Variants in ASPH observed in about 807,000 individuals in gnomAD.
The protein encoded by ASPH is aspartyl/asparaginyl beta-hydroxylase.
Under a neutral mutation model 118.4 loss-of-function variants are expected in ASPH, and 100 were observed. That is an observed-to-expected ratio of 0.84 (90% CI 0.72 to 1.00). The LOEUF (loss-of-function observed/expected upper bound fraction) is 1.00. ASPH is among the 50% of genes least tolerant of loss of function. The pLI is 0.00. For synonymous variants in ASPH, 315 were observed against 325.6 expected, an observed-to-expected ratio of 0.97 and a Z score of 0.35; for missense variants, 920 against 919.5, an observed-to-expected ratio of 1.00 and a Z score of -0.01.
intron 13 of ASPH, chr8:61,624,988 T>C (rs927631439): frequency 3.8e-5 from 37 of 985,516 alleles, no homozygotes; most frequent in Non-Finnish European, 4.5e-5. Context: ...CTATGATCTA[T>C]AGTGATAAAA....
chr8:61,512,947 G>C (rs1201999714), intron 24 of ASPH, among the ~76,000 whole-genome samples: 1 of 152,112 alleles, frequency 6.6e-6, no homozygotes, highest in Non-Finnish European at 1.5e-5. Context: ...ACGTGTATCA[G>C]TTTTCTAATC....
chr8:61,533,453 T>A (rs1341380419), intron 21 of ASPH, among the ~76,000 whole-genome samples: 1 of 152,170 alleles, frequency 6.6e-6, no homozygotes, highest in Non-Finnish European at 1.5e-5. Context: ...ACAAGCTACA[T>A]CATTCTTTTT....
intron 17 of ASPH, among the ~76,000 whole-genome samples, chr8:61,564,680 G>T (rs1831065576): frequency 6.6e-6 from 1 of 152,210 alleles, no homozygotes; most frequent in Non-Finnish European, 1.5e-5. Flanking sequence ...TGCTGAATTT[G>T]TGCTGCATGT....
chr8:61,687,745 AT>A (rs1831097557), intron 1 of ASPH: 1 of 152,168 alleles, frequency 6.6e-6, no homozygotes, highest in African/African-American at 2.4e-5. Context: ...TCTTAGGAAG[AT>A]TTTCATTCAA....
intron 3 of ASPH, among the ~76,000 whole-genome samples, chr8:61,671,178 C>A (rs569210590): frequency 4.6e-5 from 7 of 152,148 alleles, no homozygotes; most frequent in Non-Finnish European, 8.8e-5. Context: ...AAGGCAGGTA[C>A]GAAAGGCCCA....
At chr8:61,581,929 G>A (rs1045359952) in intron 15 of ASPH, among the ~76,000 whole-genome samples, 30 of 152,216 alleles carry the variant, frequency 2.0e-4, no homozygotes, top group African/African-American at 7.2e-4. Flanking sequence ...ATACTTTTCT[G>A]GGGGGATAAA....
chr8:61,526,619 A>G (rs1224755680), intron 21 of ASPH, among the ~76,000 whole-genome samples: 2 of 152,258 alleles, frequency 1.3e-5, no homozygotes, highest in African/African-American at 2.4e-5. Flanking sequence ...TTTTTGATAT[A>G]TAACATTAAC....
At chr8:61,601,253 CTT>C (rs1419631454) in intron 14 of ASPH, among the ~76,000 whole-genome samples, 1 of 151,168 alleles carries the variant, frequency 6.6e-6, no homozygotes, top group Non-Finnish European at 1.5e-5. Context: ...ACCTAAATGA[CTT>C]TTCTAGACTC....
At chr8:61,624,199 CATCT>C (rs1851933536) in intron 13 of ASPH, 1 of 959,546 alleles carries the variant, frequency 1.0e-6, no homozygotes, top group African/African-American at 1.8e-5. Flanking sequence ...CAAATTTATA[CATCT>C]ATTATATACT....
chr8:61,501,116 G>GACAT lies in ASPH; in HGVS notation c.*2239_*2242dup, dbSNP rs1279799064. On this transcript the variant is annotated 3_prime_UTR_variant, in exon 25 of 25. Transcript: ENST00000379454. ...AATTAAACTAATTCATTTTTGTGTA[G>GACAT]ACATACGAAATCACAAAAATAATAA... 6.6e-6 allele frequency: 1 copy of GACAT among 151,964 alleles called. No homozygotes were observed. Among genetic ancestry groups the GACAT allele is most frequent in the Non-Finnish European group, 1.5e-5 (1 of 68,000 alleles). The allele number at this position is 151,964 out of a possible 1,614,324, so 9.4% of individuals were successfully genotyped here.
rs1215822515 is a variant in ASPH, at chr8:61,706,427, A to AAAG, written c.103+7839_103+7841dup. Among the ~76,000 whole-genome samples the AAAG allele has an allele frequency of 8.0e-3, 689 of 86,030 alleles. 6 individuals carry two copies. The highest frequency in any genetic ancestry group is 0.022 in the African/African-American group (443 of 20,134). 56.4% of individuals were successfully genotyped at this position (86,030 alleles called of 152,430 possible). A position where few individuals can be genotyped will look rare whatever the true frequency, so the allele number is the denominator to read the frequency against. On this transcript the variant is annotated intron_variant, in intron 1 of 24. Transcript: ENST00000379454. ...CTCAAAAAAAAAAAAAAAAAAAAAA[A>AAAG]AAGAAGAAGAAGAAGAAGAAGAAGA...
chr8:61,688,617 A>C (rs1477313402), intron 1 of ASPH, among the ~76,000 whole-genome samples: 1 of 152,238 alleles, frequency 6.6e-6, no homozygotes, highest in African/African-American at 2.4e-5. Context: ...ATTTACACAT[A>C]AACTCTACAC....
intron 15 of ASPH, chr8:61,583,111 T>G (rs188593009): frequency 3.5e-4 from 53 of 152,086 alleles, no homozygotes; most frequent in African/African-American, 9.4e-4. Flanking sequence ...AAACTGGAGG[T>G]GCATGAGGTT....
intron 14 of ASPH, chr8:61,607,284 T>C (rs1427404258): frequency 2.8e-6 from 2 of 702,328 alleles, no homozygotes; most frequent in East Asian, 2.7e-5. Context: ...CAGGACATGG[T>C]GCAAGCCGCC....
At chr8:61,705,934 G>A (rs1282591073) in intron 1 of ASPH, among the ~76,000 whole-genome samples, 3 of 152,162 alleles carry the variant, frequency 2.0e-5, no homozygotes, top group Admixed American at 6.5e-5. Context: ...AATGTTAACC[G>A]CTGTAGCATC....
At chr8:61,697,884 C>T (rs1207649982) in intron 1 of ASPH, among the ~76,000 whole-genome samples, 1 of 152,104 alleles carries the variant, frequency 6.6e-6, no homozygotes. Flanking sequence ...GAACTCCTAG[C>T]CTTGAATGCA....
At chr8:61,523,463 G>A (rs182995940) in intron 22 of ASPH, among the ~76,000 whole-genome samples, 12 of 151,622 alleles carry the variant, frequency 7.9e-5, no homozygotes, top group South Asian at 2.1e-4. Flanking sequence ...TTACAGGCAC[G>A]TGCCACTATG....
chr8:61,519,293 G>A (rs933589281), intron 22 of ASPH, among the ~76,000 whole-genome samples: 12 of 152,008 alleles, frequency 7.9e-5, no homozygotes, highest in African/African-American at 2.9e-4. Context: ...ATGCATTCAT[G>A]ACATACCTAA....
In ASPH at chr8:61,527,063, G is replaced by A. The variant is rs541443098; in HGVS notation, c.1765-951C>T. On this transcript the variant is annotated intron_variant, in intron 21 of 24. Transcript: ENST00000379454. ...GAAATAGTTGAGTATATAGATTCAT[G>A]GACAGGGAGGAACATGTTAGCTGAT... is the stretch of plus-strand genomic sequence containing the variant. Among the ~76,000 whole-genome samples the A allele has an allele frequency of 3.9e-5, 6 of 152,274 alleles. No homozygotes were observed. The South Asian group carries it at 8.3e-4, about 21-fold the overall frequency.
Sources: allele counts gnomAD v4.1 joint callset (sites outside exome capture counted in the v4.1 genomes callset), GRCh38; gene constraint gnomAD v4.1.1; transcripts MANE v1.5; gene names NCBI Gene and HGNC (gene_info 2026-07-23, HGNC 2026-07-21).